The following GABRA3 variants were observed in gnomAD, a reference collection of about 807,000 sequenced individuals.
GABRA3 encodes gamma-aminobutyric acid type A receptor subunit alpha3, also known as gamma-aminobutyric acid receptor subunit alpha-3.
GABRA3 carries 10 observed loss-of-function variants against 30.1 expected under a neutral mutation model. That is an observed-to-expected ratio of 0.33 (90% CI 0.20 to 0.56). The LOEUF (loss-of-function observed/expected upper bound fraction) is 0.56. GABRA3 is among the 20% of genes least tolerant of loss of function. GABRA3 has a pLI of 0.89. For synonymous variants in GABRA3, 151 were observed against 146.8 expected, an observed-to-expected ratio of 1.03 and a Z score of -0.21; for missense variants, 233 against 392.0, an observed-to-expected ratio of 0.59 and a Z score of 3.42.
rs55968421 is a variant in GABRA3 at position 152,196,407 on chromosome X, A to G, written c.931+1226T>C. On this transcript the variant is annotated intron_variant, in intron 8 of 9. Coordinates refer to ENST00000370314, the MANE Select transcript of GABRA3 (RefSeq NM_000808.4). ...GAGTGAAACTCCGTCTCAAAAAAAAAGAAAAAAAAAAAAAGAAAGAAAGAA... is the reference window on the plus strand; with the variant it reads ...GAGTGAAACTCCGTCTCAAAAAAAAGGAAAAAAAAAAAAAGAAAGAAAGAA... 1.4e-3 allele frequency among the ~76,000 whole-genome samples: 122 copies of G among 90,347 alleles called. 2 individuals are homozygous for G. Among genetic ancestry groups the G allele is most frequent in the African/African-American group, 5.1e-3 (114 of 22,321 alleles). The allele number at this position is 90,347 out of a possible 115,157, so 78.5% of individuals were successfully genotyped here.
At chrX:152,198,044 C>T (rs778702491) in intron 7 of GABRA3, among the ~76,000 whole-genome samples, 1 of 112,010 alleles carries the variant, frequency 8.9e-6, no homozygotes, top group Admixed American at 9.4e-5. Flanking sequence ...TTAATGTTCT[C>T]ATTTAAATAA....
intron 6 of GABRA3, among the ~76,000 whole-genome samples, chrX:152,215,017 CAT>C (rs1202226911): frequency 9.6e-6 from 1 of 103,897 alleles, no homozygotes; most frequent in Non-Finnish European, 2.0e-5. Context: ...TATACACACA[CAT>C]ATATGTATGT....
intron 2 of GABRA3, among the ~76,000 whole-genome samples, chrX:152,356,442 A>C (rs1478863365): frequency 8.9e-6 from 1 of 111,906 alleles, no homozygotes; most frequent in East Asian, 2.8e-4. Context: ...TACGGAAATA[A>C]TCAAAAAGCA....
At chrX:152,424,928 C>CT (rs747255822) in intron 1 of GABRA3, among the ~76,000 whole-genome samples, 1,012 of 42,317 alleles carry the variant, frequency 0.024, 26 homozygotes, top group East Asian at 0.039. Context: ...TTTTTCTTTT[C>CT]TTTTTTTTTT....
rs754407355 is a variant in GABRA3, at chrX:152,215,550, A to G, written c.635-7406T>C. Among the ~76,000 whole-genome samples, 6 of 111,312 alleles carry G rather than the reference A, an allele frequency of 5.4e-5. No homozygotes were observed. In the Middle Eastern group the frequency reaches 0.023, roughly 431 times the overall value. On this transcript the variant is annotated intron_variant, in intron 6 of 9. Coordinates refer to ENST00000370314, the MANE Select transcript of GABRA3 (RefSeq NM_000808.4). Reference sequence around the variant, plus strand: ...CTGAGAAAACTGCATGTCCACATGTACAAGAATGAGACTAAACCCTTATCT... The same window carrying G: ...CTGAGAAAACTGCATGTCCACATGTGCAAGAATGAGACTAAACCCTTATCT...
At chrX:152,238,898 G>T (rs1208017789) in intron 5 of GABRA3, among the ~76,000 whole-genome samples, 1 of 110,641 alleles carries the variant, frequency 9.0e-6, no homozygotes, top group Admixed American at 9.6e-5. Flanking sequence ...TTCTTCATTA[G>T]CCTTGCTAGT....
At chrX:152,437,155 G>A (rs999173073) in intron 1 of GABRA3, among the ~76,000 whole-genome samples, 6 of 111,380 alleles carry the variant, frequency 5.4e-5, no homozygotes, top group Admixed American at 3.8e-4. Context: ...ACGCACTCAC[G>A]GGAAAGACTG....
In GABRA3 at chrX:152,199,088, T is replaced by C. The variant is rs187969883; in HGVS notation, c.779-1303A>G. On this transcript the variant is annotated intron_variant, in intron 7 of 9. Coordinates refer to ENST00000370314, the MANE Select transcript of GABRA3 (RefSeq NM_000808.4). ...CGTAAAAAGCAGGCAGAGGGCTGGG[T>C]GCGGTGGCTCAAGCCTGCCTGTAAT... 1.3e-3 allele frequency among the ~76,000 whole-genome samples: 145 copies of C among 110,978 alleles called. No homozygotes were observed. The East Asian group carries it at 0.023, about 17-fold the overall frequency.
At chrX:152,393,326 A>G (rs935630498) in intron 1 of GABRA3, 1 of 284,161 alleles carries the variant, frequency 3.5e-6, no homozygotes, top group African/African-American at 2.9e-5. Context: ...CAATGTGCAG[A>G]AAAAGGCAGA....
At chrX:152,197,866 G>T in intron 7 of GABRA3, 81 bp from the exon 8 acceptor site, 1 of 776,169 alleles carries the variant, frequency 1.3e-6, no homozygotes, top group Non-Finnish European at 1.9e-6. Context: ...AATTCACAAA[G>T]CTCTTTAATC....
At chrX:152,226,779 A>G (rs1937965275) in intron 5 of GABRA3, among the ~76,000 whole-genome samples, 1 of 112,377 alleles carries the variant, frequency 8.9e-6, no homozygotes, top group Admixed American at 9.4e-5. Flanking sequence ...AACACATGAA[A>G]AAATGCTCAT....
chrX:152,247,692 T>A (rs1938481737), intron 5 of GABRA3, among the ~76,000 whole-genome samples: 1 of 111,889 alleles, frequency 8.9e-6, no homozygotes, highest in Non-Finnish European at 1.9e-5. Context: ...ATTGTTATGA[T>A]TTGCCTTATT....
At chrX:152,236,285 A>G (rs1355861536) in intron 5 of GABRA3, among the ~76,000 whole-genome samples, 2 of 105,211 alleles carry the variant, frequency 1.9e-5, no homozygotes, top group African/African-American at 7.0e-5. Flanking sequence ...GATAATGATG[A>G]TTTCCAATTT....
intron 1 of GABRA3, among the ~76,000 whole-genome samples, chrX:152,398,669 T>G (rs999388627): frequency 2.7e-5 from 3 of 112,416 alleles, no homozygotes; most frequent in African/African-American, 9.7e-5. Context: ...ATGTTTCTAC[T>G]TAGACAAACA....
At chrX:152,196,406 A>AG (rs1937388339) in intron 8 of GABRA3, among the ~76,000 whole-genome samples, 1 of 93,805 alleles carries the variant, frequency 1.1e-5, no homozygotes, top group African/African-American at 4.3e-5. Context: ...CTCAAAAAAA[A>AG]AGAAAAAAAA....
intron 3 of GABRA3, among the ~76,000 whole-genome samples, chrX:152,314,017 T>G (rs1300319048): frequency 9.0e-6 from 1 of 111,353 alleles, no homozygotes; most frequent in African/African-American, 3.3e-5. Flanking sequence ...CAGGATGCAA[T>G]GAGTCCCAGG....
At chrX:152,338,113 T>C (rs1940260347) in intron 3 of GABRA3, among the ~76,000 whole-genome samples, 1 of 111,943 alleles carries the variant, frequency 8.9e-6, no homozygotes, top group Admixed American at 9.5e-5. Context: ...GCCACCCTGT[T>C]CTGCATAGTG....
chrX:152,358,842 C>A (rs1004551611), intron 2 of GABRA3, among the ~76,000 whole-genome samples: 1 of 111,581 alleles, frequency 9.0e-6, no homozygotes, highest in Non-Finnish European at 1.9e-5. Context: ...GTTTTTAGTT[C>A]TACTTATGTG....
intron 1 of GABRA3, among the ~76,000 whole-genome samples, chrX:152,383,851 G>A (rs753906843): frequency 5.9e-4 from 65 of 109,453 alleles, no homozygotes; most frequent in African/African-American, 1.9e-3. Flanking sequence ...AGAATTTCTA[G>A]CCAGAGCAAT....
Sources: gnomAD v4.1 joint callset for allele counts (sites outside exome capture counted in the v4.1 genomes callset) on GRCh38, gnomAD v4.1.1 for gene constraint, MANE v1.5 for transcripts, NCBI Gene and HGNC (gene_info 2026-07-23, HGNC 2026-07-21) for gene names.